Variants in SEMA3A observed in about 807,000 individuals in gnomAD.
SEMA3A encodes the protein semaphorin 3A, also known as semaphorin-3A.
SEMA3A carries 29 observed loss-of-function variants against 97.9 expected under a neutral mutation model. The ratio of observed to expected loss-of-function variants is 0.30; its 90% CI spans 0.22 to 0.40. The LOEUF (loss-of-function observed/expected upper bound fraction) is 0.40, where lower values mean the gene tolerates loss of function less well. Ranked by LOEUF, SEMA3A falls within the 10% of genes least tolerant of loss-of-function variation. SEMA3A has a pLI of 1.00. For synonymous variants in SEMA3A, 321 were observed against 323.7 expected (o/e 0.99, Z 0.09); for missense variants, 763 against 951.3 (o/e 0.80, Z 2.60).
intron 1 of SEMA3A, among the ~76,000 whole-genome samples, chr7:84,478,197 A>AAAAATAATAAT (rs1806351233): frequency 6.6e-6 from 1 of 152,174 alleles, no homozygotes; most frequent in South Asian, 2.1e-4. Flanking sequence ...GCACTCTGGC[A>AAAAATAATAAT]AAGCTAAAAA....
chr7:84,203,275 CTTTGTATCACATTT>C (rs1363996712), intron 3 of SEMA3A, among the ~76,000 whole-genome samples: 2 of 151,614 alleles, frequency 1.3e-5, no homozygotes, highest in Non-Finnish European at 2.9e-5. Context: ...GTTCCTATTG[CTTTGTATCACATTT>C]CCTCAGTGGA....
chr7:84,331,832 G>T (rs1046928414), intron 2 of SEMA3A, among the ~76,000 whole-genome samples: 1 of 152,116 alleles, frequency 6.6e-6, no homozygotes, highest in African/African-American at 2.4e-5. Flanking sequence ...AGAAAAGGGG[G>T]AAATGGAAGG....
chr7:84,043,810 A>G (rs1030642625), intron 6 of SEMA3A, among the ~76,000 whole-genome samples: 2 of 152,054 alleles, frequency 1.3e-5, no homozygotes, highest in African/African-American at 4.8e-5. Context: ...TGAGAGACTG[A>G]TAACTGAATT....
At chr7:84,424,532 A>ATATATATTAATATATATTATATAT (rs1491175874) in intron 1 of SEMA3A, among the ~76,000 whole-genome samples, 4 of 63,684 alleles carry the variant, frequency 6.3e-5, no homozygotes, top group Admixed American at 2.5e-4. Flanking sequence ...GTTATATATA[A>ATATATATTAATATATATTATATAT]TATATAAATA....
chr7:84,459,855 C>T (rs1805779047), intron 1 of SEMA3A, among the ~76,000 whole-genome samples: 1 of 152,084 alleles, frequency 6.6e-6, no homozygotes, highest in South Asian at 2.1e-4. Flanking sequence ...TGGCAAAACC[C>T]TGTCAATACA....
chr7:84,115,852 T>C (rs1291085035), intron 3 of SEMA3A, among the ~76,000 whole-genome samples: 1 of 152,208 alleles, frequency 6.6e-6, no homozygotes, highest in Non-Finnish European at 1.5e-5. Flanking sequence ...AGGTGCTGAA[T>C]ATTTAGTGTT....
At chr7:83,971,124 G>C (rs756794707) in intron 15 of SEMA3A, among the ~76,000 whole-genome samples, 5 of 152,120 alleles carry the variant, frequency 3.3e-5, no homozygotes, top group Non-Finnish European at 7.4e-5. Flanking sequence ...TTTTGAACCT[G>C]AGCATTAAGA....
At chr7:84,082,480 T>G (rs1583934023) in intron 4 of SEMA3A, among the ~76,000 whole-genome samples, 1 of 152,274 alleles carries the variant, frequency 6.6e-6, no homozygotes, top group African/African-American at 2.4e-5. Flanking sequence ...TCTAATATTA[T>G]AATCATAACT....
intron 1 of SEMA3A, among the ~76,000 whole-genome samples, chr7:84,147,598 C>T (rs960520616): frequency 7.9e-5 from 12 of 152,054 alleles, no homozygotes; most frequent in African/African-American, 2.2e-4. Flanking sequence ...GTGTGGCTGG[C>T]GGCAGAAATT....
intron 1 of SEMA3A, among the ~76,000 whole-genome samples, chr7:84,401,186 A>G (rs1803891455): frequency 6.6e-6 from 1 of 152,208 alleles, no homozygotes; most frequent in African/African-American, 2.4e-5. Flanking sequence ...CAAAATCAAA[A>G]TACAAAAACC....
intron 2 of SEMA3A, among the ~76,000 whole-genome samples, chr7:84,308,836 A>G (rs202230191): frequency 1.7e-5 from 1 of 59,822 alleles, no homozygotes; most frequent in African/African-American, 7.0e-5. Flanking sequence ...TTTTTTTTTG[A>G]GATGGAGTTT....
At position 84,203,102 on chromosome 7, in the gene SEMA3A, T is replaced by C. The variant is rs116482109; in HGVS notation, c.-82-8434A>G. Among the ~76,000 whole-genome samples, 1,262 of 152,214 alleles carry C rather than the reference T, an allele frequency of 8.3e-3. 16 individuals are homozygous for C. Among genetic ancestry groups the C allele is most frequent in the African/African-American group, 0.029 (1,204 of 41,542 alleles). ...AAAGCTAATCTGCCTACAGTTTGCA[T>C]TAGGGACTCAGGATATAAGATTTTG... is the stretch of plus-strand genomic sequence containing the variant. On this transcript the variant is annotated intron_variant, in intron 3 of 3. Transcript: ENST00000424555.
chr7:84,024,048 A>G (rs972405547), intron 6 of SEMA3A, among the ~76,000 whole-genome samples: 4 of 151,978 alleles, frequency 2.6e-5, no homozygotes, highest in Non-Finnish European at 5.9e-5. Context: ...ACAGAAATAT[A>G]CATACACATT....
chr7:84,465,136 G>A (rs1023868695), intron 1 of SEMA3A, among the ~76,000 whole-genome samples: 1 of 152,092 alleles, frequency 6.6e-6, no homozygotes, highest in African/African-American at 2.4e-5. Context: ...GCAACATTAA[G>A]CAAATAACCT....
intron 4 of SEMA3A, among the ~76,000 whole-genome samples, chr7:84,089,894 A>C (rs893995552): frequency 3.3e-5 from 5 of 152,032 alleles, no homozygotes; most frequent in Non-Finnish European, 7.4e-5. Flanking sequence ...ATTGATTTGT[A>C]AACTTGATAC....
intron 2 of SEMA3A, among the ~76,000 whole-genome samples, chr7:84,339,504 A>C (rs1802112459): frequency 6.6e-6 from 1 of 152,096 alleles, no homozygotes; most frequent in African/African-American, 2.4e-5. Flanking sequence ...AGGGTTTGGC[A>C]CTCATTTTCA....
intron 3 of SEMA3A, among the ~76,000 whole-genome samples, chr7:84,299,299 TATATATCTCC>T (rs1212995637): frequency 0.23 from 21,205 of 91,834 alleles, 2,432 homozygotes; most frequent in Non-Finnish European, 0.34. Context: ...TATCTCCATA[TATATATCTCC>T]ATATATATAT....
intron 1 of SEMA3A, among the ~76,000 whole-genome samples, chr7:84,186,378 T>C (rs534744413): frequency 6.6e-6 from 1 of 152,178 alleles, no homozygotes; most frequent in African/African-American, 2.4e-5. Flanking sequence ...TAGTTAATAA[T>C]GGTGCTTTTG....
At chr7:84,146,347 CT>C (rs1796462764) in intron 1 of SEMA3A, among the ~76,000 whole-genome samples, 1 of 152,070 alleles carries the variant, frequency 6.6e-6, no homozygotes, top group African/African-American at 2.4e-5. Flanking sequence ...GCATACATGA[CT>C]TCGCCATTAA....
Sources: gnomAD v4.1 joint callset for allele counts (sites outside exome capture counted in the v4.1 genomes callset) on GRCh38, gnomAD v4.1.1 for gene constraint, MANE v1.5 for transcripts, NCBI Gene and HGNC (gene_info 2026-07-23, HGNC 2026-07-21) for gene names.